The following CHCHD3 variants were observed in gnomAD, a reference collection of about 807,000 sequenced individuals.
The protein encoded by CHCHD3 is MICOS complex subunit MIC19.
CHCHD3 carries 20 observed loss-of-function variants against 38.2 expected under a neutral mutation model. That is an observed-to-expected ratio of 0.52 (90% CI 0.37 to 0.76). The LOEUF is 0.76. Among genes scored for constraint, CHCHD3 ranks in the 30% least tolerant of loss-of-function variants. The probability of loss-of-function intolerance (pLI) is 0.00; values close to 1 mark genes in which losing one functional copy is unlikely to be tolerated. For missense variants in CHCHD3, 245 were observed against 279.2 expected, an observed-to-expected ratio of 0.88 and a Z score of 0.87; for synonymous variants, 82 against 100.0, an observed-to-expected ratio of 0.82 and a Z score of 1.07.
At chr7:132,845,337 TG>T (rs1228847047) in intron 5 of CHCHD3, among the ~76,000 whole-genome samples, 1 of 152,038 alleles carries the variant, frequency 6.6e-6, no homozygotes, top group Non-Finnish European at 1.5e-5. Context: ...TAGTGTGGGG[TG>T]GGGTGGTTTT....
rs550244715 is a variant in CHCHD3 at position 132,888,979 on chromosome 7, G to T, written c.370-3234C>A. Reference sequence around the variant, plus strand: ...ATAGTAGTTATGATATATGTAGTGGGATATATTATTTGGACTGTTTCTTAT... The same window carrying T: ...ATAGTAGTTATGATATATGTAGTGGTATATATTATTTGGACTGTTTCTTAT... On this transcript the variant is annotated intron_variant, in intron 4 of 7. Transcript: ENST00000262570. Among the ~76,000 whole-genome samples the T allele has an allele frequency of 3.7e-4, 56 of 152,018 alleles. 1 individual carries two copies. Among genetic ancestry groups the T allele is most frequent in the Non-Finnish European group, 6.6e-4 (45 of 67,898 alleles).
intron 2 of CHCHD3, among the ~76,000 whole-genome samples, chr7:133,043,709 T>C (rs997132153): frequency 6.6e-6 from 1 of 152,184 alleles, no homozygotes; most frequent in Non-Finnish European, 1.5e-5. Context: ...TCTCACATTT[T>C]GCACTTAGGG....
In CHCHD3 at chr7:132,948,721, C is replaced by T. The variant is rs527568582; in HGVS notation, c.369+26448G>A. On this transcript the variant is annotated intron_variant, in intron 4 of 7. Coordinates refer to ENST00000262570, the MANE Select transcript of CHCHD3 (RefSeq NM_017812.4). ...ATTACACACTGACAATTGACTTTTT[C>T]ACAGCCAAAACTTTAAAATGGCAAA... 5.3e-5 allele frequency among the ~76,000 whole-genome samples: 8 copies of T among 152,206 alleles called. No individual in the cohort carries two copies. The East Asian group carries it at 9.7e-4, about 18-fold the overall frequency.
At chr7:132,797,797 G>A (rs1806658646) in intron 6 of CHCHD3, among the ~76,000 whole-genome samples, 1 of 152,074 alleles carries the variant, frequency 6.6e-6, no homozygotes. Context: ...TGAGTTATAC[G>A]AATGAAGGTA....
Position 132,852,704 on chromosome 7 carries a change from A to T in CHCHD3, c.454-14235T>A, listed in dbSNP as rs117964953. On this transcript the variant is annotated intron_variant, in intron 5 of 7. Transcript: ENST00000262570. ...GGAACAAGAATGCTTTCCAGAACAA[A>T]AGTTAAGTGTACAGACTACAGAAGG... Among the ~76,000 whole-genome samples the T allele has an allele frequency of 1.8e-3, 271 of 152,260 alleles. 1 individual carries two copies. Among genetic ancestry groups the T allele is most frequent in the Non-Finnish European group, 3.4e-3 (233 of 68,020 alleles).
intron 5 of CHCHD3, chr7:132,849,103 G>GT (rs748819170): frequency 1.3e-5 from 2 of 152,174 alleles, no homozygotes; most frequent in Non-Finnish European, 2.9e-5. Flanking sequence ...CAGGATGACT[G>GT]TATCAGTGGG....
intron 3 of CHCHD3, among the ~76,000 whole-genome samples, chr7:133,008,416 T>A (rs1812762334): frequency 7.3e-6 from 1 of 136,064 alleles, no homozygotes; most frequent in Non-Finnish European, 1.6e-5. Flanking sequence ...TCTACACACA[T>A]GCAGAAAAGA....
chr7:132,989,868 T>C (rs1243685149), intron 3 of CHCHD3, among the ~76,000 whole-genome samples: 1 of 152,174 alleles, frequency 6.6e-6, no homozygotes, highest in Non-Finnish European at 1.5e-5. Flanking sequence ...TCATCAGCTT[T>C]TTATCTTAAA....
chr7:132,975,085 G>T, intron 4 of CHCHD3, 84 bp downstream of exon 4: 2 of 1,035,764 alleles, frequency 1.9e-6, no homozygotes, highest in South Asian at 1.3e-5. Context: ...AACACTAAAA[G>T]CTGGCACAGA....
At chr7:132,948,474 A>G (rs1810953031) in intron 4 of CHCHD3, among the ~76,000 whole-genome samples, 1 of 152,156 alleles carries the variant, frequency 6.6e-6, no homozygotes. Flanking sequence ...CAGCTTCCCA[A>G]GGAGATTCCT....
At chr7:132,899,132 C>T (rs578015771) in intron 4 of CHCHD3, among the ~76,000 whole-genome samples, 2 of 152,166 alleles carry the variant, frequency 1.3e-5, no homozygotes, top group African/African-American at 2.4e-5. Flanking sequence ...CGAGAGCGAG[C>T]GAGGGCTGTG....
At chr7:132,843,481 C>T (rs1404819579) in intron 5 of CHCHD3, among the ~76,000 whole-genome samples, 2 of 152,060 alleles carry the variant, frequency 1.3e-5, no homozygotes, top group African/African-American at 4.8e-5. Flanking sequence ...GGCAAATAAC[C>T]ACTTTTCATA....
chr7:132,964,891 G>C (rs17166820), intron 4 of CHCHD3, among the ~76,000 whole-genome samples: 3,565 of 152,296 alleles, frequency 0.023, 336 homozygotes, highest in Admixed American at 0.17. Context: ...CTATGGAAAT[G>C]GTAGTGCTAA....
At chr7:133,032,023 C>G (rs150783831) in intron 2 of CHCHD3, among the ~76,000 whole-genome samples, 1 of 152,262 alleles carries the variant, frequency 6.6e-6, no homozygotes, top group Non-Finnish European at 1.5e-5. Flanking sequence ...AGCTAAATGA[C>G]TAACAGCATA....
At chr7:132,829,348 T>G (rs183002884) in intron 6 of CHCHD3, among the ~76,000 whole-genome samples, 8 of 152,248 alleles carry the variant, frequency 5.3e-5, no homozygotes, top group Non-Finnish European at 1.2e-4. Flanking sequence ...TTTATCTAAC[T>G]AACAGTGTGC....
chr7:132,915,935 TTTAA>T (rs1810094091), intron 4 of CHCHD3, among the ~76,000 whole-genome samples: 1 of 151,612 alleles, frequency 6.6e-6, no homozygotes, highest in African/African-American at 2.4e-5. Context: ...TTGGTTTTTT[TTTAA>T]TTTTTTAATA....
chr7:132,820,876 A>C (rs1807357249), intron 6 of CHCHD3, among the ~76,000 whole-genome samples: 1 of 152,164 alleles, frequency 6.6e-6, no homozygotes, highest in African/African-American at 2.4e-5. Flanking sequence ...TAAAACTATG[A>C]CAAGGTTTTA....
At position 132,985,841 on chromosome 7, in the gene CHCHD3, C is replaced by T. The variant is rs1267582192; in HGVS notation, c.252-10555G>A. On this transcript the variant is annotated intron_variant, in intron 3 of 7. Transcript: ENST00000262570. ...CCGGGAGGTGAGGGGCGCCTCTGCC[C>T]GGCCGCCCCTACTGGGAAGTGAGGA... Among the ~76,000 whole-genome samples the T allele has an allele frequency of 6.4e-5, 8 of 124,098 alleles. 1 individual carries two copies. Among genetic ancestry groups the T allele is most frequent in the South Asian group, 2.6e-4 (1 of 3,832 alleles). The allele number at this position is 124,098 out of a possible 152,430, so 81.4% of individuals were successfully genotyped here. A position where few individuals can be genotyped will look rare whatever the true frequency, so the allele number is the denominator to read the frequency against.
chr7:132,938,461 G>C (rs935088464), intron 4 of CHCHD3, among the ~76,000 whole-genome samples: 1 of 152,076 alleles, frequency 6.6e-6, no homozygotes, highest in African/African-American at 2.4e-5. Context: ...AGAAAAGACT[G>C]AAACAGTACA....
Sources: allele counts gnomAD v4.1 joint callset (sites outside exome capture counted in the v4.1 genomes callset), GRCh38; gene constraint gnomAD v4.1.1; transcripts MANE v1.5; gene names NCBI Gene and HGNC (gene_info 2026-07-23, HGNC 2026-07-21).